Variants in KCNK2 observed in about 807,000 individuals in gnomAD.
KCNK2 encodes the protein potassium two pore domain channel subfamily K member 2, also known as potassium channel subfamily K member 2.
A neutral mutation model predicts 40.5 loss-of-function variants in KCNK2; 21 were observed. The observed-to-expected ratio is 0.52, with a 90% CI of 0.37 to 0.75. The LOEUF is 0.75. Ranked by LOEUF, KCNK2 falls within the 30% of genes least tolerant of loss-of-function variation. The pLI, the probability that KCNK2 is intolerant of heterozygous loss-of-function variation, is 0.00. For missense variants in KCNK2, 399 were observed against 531.6 expected (o/e 0.75, Z 2.45); for synonymous variants, 191 against 202.2 (o/e 0.94, Z 0.47).
In KCNK2 at chr1:215,120,278, A is replaced by G. The variant is rs555400464; in HGVS notation, c.358-4355A>G. Among the ~76,000 whole-genome samples, 173 of 152,292 alleles carry G rather than the reference A, an allele frequency of 1.1e-3. 1 individual carries two copies. Among genetic ancestry groups the G allele is most frequent in the Non-Finnish European group, 2.1e-3 (143 of 68,006 alleles). On this transcript the variant is annotated intron_variant, in intron 2 of 6. Coordinates refer to ENST00000444842, the MANE Select transcript of KCNK2 (RefSeq NM_001017425.3). ...AATCATAGTGCTGGTTATGAAGGCTATATTAAATCAATTGCTATAGTCAAT... is the reference window on the plus strand; with the variant it reads ...AATCATAGTGCTGGTTATGAAGGCTGTATTAAATCAATTGCTATAGTCAAT...
At chr1:215,114,029 C>T (rs1305801611) in intron 2 of KCNK2, among the ~76,000 whole-genome samples, 2 of 152,128 alleles carry the variant, frequency 1.3e-5, no homozygotes, top group Non-Finnish European at 2.9e-5. Context: ...CTGCATGTTG[C>T]TTTTTTGTGA....
intron 6 of KCNK2, among the ~76,000 whole-genome samples, chr1:215,232,748 G>A (rs1371290719): frequency 6.6e-6 from 1 of 152,092 alleles, no homozygotes; most frequent in Non-Finnish European, 1.5e-5. Context: ...AAGTGGTGGC[G>A]GGTTCTGTGA....
chr1:215,177,740 A>ATATATATTTTTTT (rs71167812), intron 5 of KCNK2, among the ~76,000 whole-genome samples: 3 of 101,598 alleles, frequency 3.0e-5, no homozygotes, highest in Non-Finnish European at 5.9e-5. Context: ...ATATATATAT[A>ATATATATTTTTTT]TTTTTTTTTT....
At chr1:215,162,465 T>G (rs1663243889) in intron 3 of KCNK2, among the ~76,000 whole-genome samples, 1 of 152,232 alleles carries the variant, frequency 6.6e-6, no homozygotes, top group Non-Finnish European at 1.5e-5. Context: ...TTGCCATTGC[T>G]TTTGGTGTTT....
intron 6 of KCNK2, among the ~76,000 whole-genome samples, chr1:215,207,960 T>C (rs1571729095): frequency 6.6e-6 from 1 of 152,300 alleles, no homozygotes; most frequent in East Asian, 1.9e-4. Flanking sequence ...AAGCAGTGTG[T>C]GGCAATTCCT....
upstream of KCNK2, among the ~76,000 whole-genome samples, chr1:215,080,701 A>G (rs1659121881): frequency 6.6e-6 from 1 of 152,206 alleles, no homozygotes; most frequent in Non-Finnish European, 1.5e-5. Flanking sequence ...ATAAAGATAG[A>G]TGAAAGACGA....
chr1:215,140,949 T>G (rs1662145286), intron 3 of KCNK2, among the ~76,000 whole-genome samples: 1 of 152,170 alleles, frequency 6.6e-6, no homozygotes, highest in African/African-American at 2.4e-5. Flanking sequence ...ACAAAAATAT[T>G]TTATTTACAT....
intron 1 of KCNK2, among the ~76,000 whole-genome samples, chr1:215,059,035 GTGTGTATGCACATATACA>G (rs1254416397): frequency 1.3e-5 from 2 of 148,578 alleles, no homozygotes; most frequent in East Asian, 1.9e-4. Flanking sequence ...ATGTATGTGT[GTGTGTATGCACATATACA>G]TGTGTATATA....
intron 3 of KCNK2, among the ~76,000 whole-genome samples, chr1:215,135,893 C>T: frequency 6.6e-6 from 1 of 151,808 alleles, no homozygotes; most frequent in Non-Finnish European, 1.5e-5. Flanking sequence ...TGCCAGCATG[C>T]CCAGCTAATT....
At position 215,145,897 on chromosome 1, in the gene KCNK2, C is replaced by G. The variant is rs1571663354; in HGVS notation, c.475+21147C>G. ...ATGCTACAGAATTATTTTTCTTCTC[C>G]TCTTGGAATAAGAGGAGAATCAGAT... is the stretch of plus-strand genomic sequence containing the variant. On this transcript the variant is annotated intron_variant, in intron 3 of 6. Transcript: ENST00000444842. Among the ~76,000 whole-genome samples the G allele has an allele frequency of 2.6e-5, 4 of 152,102 alleles. No homozygotes were observed. In the South Asian group the frequency reaches 8.3e-4, roughly 32 times the overall value.
intron 1 of KCNK2, among the ~76,000 whole-genome samples, chr1:215,075,983 G>A (rs902300017): frequency 6.6e-6 from 1 of 152,194 alleles, no homozygotes. Context: ...CATAATCTGT[G>A]CTCTAACGAT....
At chr1:215,062,359 A>G (rs1417122264) in intron 1 of KCNK2, among the ~76,000 whole-genome samples, 2 of 152,044 alleles carry the variant, frequency 1.3e-5, no homozygotes, top group Non-Finnish European at 2.9e-5. Flanking sequence ...ACCATTTCAG[A>G]TATGAAGAAG....
chr1:215,030,498 A>G (rs1033060454), intron 1 of KCNK2, among the ~76,000 whole-genome samples: 1 of 151,546 alleles, frequency 6.6e-6, no homozygotes, highest in African/African-American at 2.4e-5. Context: ...CAGCCTGCTC[A>G]GTGTTTTAAT....
intron 3 of KCNK2, among the ~76,000 whole-genome samples, chr1:215,125,739 AATATATATATATATATATAT>A (rs66622204): frequency 0.79 from 98,959 of 124,548 alleles, 38,721 homozygotes; most frequent in African/African-American, 0.81. Context: ...AAGTATAATA[AATATATATATATATATATAT>A]ATATATATAT....
intron 2 of KCNK2, among the ~76,000 whole-genome samples, chr1:215,096,377 G>T (rs965676851): frequency 2.6e-5 from 4 of 151,810 alleles, no homozygotes; most frequent in Admixed American, 2.0e-4. Flanking sequence ...ATACACAATA[G>T]TTGTACATAT....
chr1:215,054,657 A>C (rs6540881), intron 1 of KCNK2, among the ~76,000 whole-genome samples: 145,471 of 152,178 alleles, frequency 0.96, 69,862 homozygotes, highest in East Asian at 1. Context: ...GCCAGGGTGT[A>C]TTTTTCTATA....
At chr1:215,120,719 A>G (rs1661153898) in intron 2 of KCNK2, among the ~76,000 whole-genome samples, 1 of 152,146 alleles carries the variant, frequency 6.6e-6, no homozygotes, top group Admixed American at 6.6e-5. Flanking sequence ...AAGCCTTGAT[A>G]TATATTTTTA....
chr1:215,076,792 C>T (rs1232047685), intron 1 of KCNK2, among the ~76,000 whole-genome samples: 1 of 152,134 alleles, frequency 6.6e-6, no homozygotes, highest in Non-Finnish European at 1.5e-5. Context: ...ACTTAGGGAC[C>T]CCCCACAGAG....
chr1:215,049,281 C>T (rs1190826815), intron 1 of KCNK2, among the ~76,000 whole-genome samples: 1 of 152,132 alleles, frequency 6.6e-6, no homozygotes, highest in Non-Finnish European at 1.5e-5. Flanking sequence ...CATGTGCTTA[C>T]TTGCCATCTT....
Sources: allele counts gnomAD v4.1 joint callset (sites outside exome capture counted in the v4.1 genomes callset), GRCh38; gene constraint gnomAD v4.1.1; transcripts MANE v1.5; gene names NCBI Gene and HGNC (gene_info 2026-07-23, HGNC 2026-07-21).